TNRC6B: variants seen among roughly 807,000 people sequenced by gnomAD.
TNRC6B encodes trinucleotide repeat-containing gene 6B protein.
Under a neutral mutation model 203.6 loss-of-function variants are expected in TNRC6B, and 52 were observed. The observed-to-expected ratio is 0.26, with a 90% CI of 0.20 to 0.32. The LOEUF is 0.32. TNRC6B is among the 10% of genes least tolerant of loss of function. TNRC6B has a pLI of 1.00. For missense variants in TNRC6B, 1,923 were observed against 2,286.2 expected, an observed-to-expected ratio of 0.84 and a Z score of 3.24; for synonymous variants, 838 against 845.7, an observed-to-expected ratio of 0.99 and a Z score of 0.16.
At chr22:40,255,810 T>C (rs2070267649) in intron 3 of TNRC6B, among the ~76,000 whole-genome samples, 1 of 152,222 alleles carries the variant, frequency 6.6e-6, no homozygotes, top group African/African-American at 2.4e-5. Context: ...CCTTCCTGGA[T>C]ACTGTATGTC....
At position 40,312,643 on chromosome 22, in the gene TNRC6B, A is replaced by G. The variant is rs754874072; in HGVS notation, c.4574A>G (p.Asn1525Ser). Residue 1525 changes from asparagine to serine, a missense_variant, in exon 18 of 23, where the codon AAC becomes AGC. This residue lies in a region of TNRC6B where 159 missense variants were observed against 181.0 expected (regional missense o/e 0.88). Transcript: ENST00000454349. ...ACTGACCACCAACTGCTGCGGGATAACACCACAGGTACTTGAGCAAAGCAT... is the reference window on the plus strand; with the variant it reads ...ACTGACCACCAACTGCTGCGGGATAGCACCACAGGTACTTGAGCAAAGCAT... The part of the protein sequence containing the change: ...VDTDHQLLRD[N>S]TTGSNSSLNT... The G allele has an allele frequency of 3.6e-5, 58 of 1,610,832 alleles. No individual in the cohort carries two copies. Among genetic ancestry groups the G allele is most frequent in the Non-Finnish European group, 4.9e-5 (58 of 1,178,870 alleles).
rs1236526034 is a variant in TNRC6B, at chr22:40,265,517, G to A, written c.1287G>A (p.Arg429=). 3.7e-6 allele frequency: 6 copies of A among 1,613,776 alleles called. No homozygotes were observed. Among genetic ancestry groups the A allele is most frequent in the African/African-American group, 1.3e-5 (1 of 74,908 alleles). Residue 429 remains arginine (R), a synonymous_variant, in exon 5 of 23, where the codon AGG becomes AGA. Coordinates refer to ENST00000454349, the MANE Select transcript of TNRC6B (RefSeq NM_001162501.2). ...TGSVGSWGAA[R]GPSGTDTVSG... The stretch of plus-strand genomic sequence containing the variant: ...GTGTTGGATCTTGGGGTGCAGCTAG[G>A]GGGCCTTCTGGAACTGACACAGTCT...
At chr22:40,173,793 ATTTTTTTTTTTTT>A (rs1160322782), upstream of TNRC6B, among the ~76,000 whole-genome samples, 3 of 64,862 alleles carry the variant, frequency 4.6e-5, no homozygotes, top group Non-Finnish European at 7.7e-5. Context: ...ATATATATAT[ATTTTTTTTTTTTT>A]TTTTTTTTTT....
intron 1 of TNRC6B, among the ~76,000 whole-genome samples, chr22:40,210,115 C>A (rs895760870): frequency 1.3e-5 from 2 of 152,248 alleles, no homozygotes. Context: ...GACCTTGTAC[C>A]CTTGCTTGTG....
rs895464149 is a variant in TNRC6B, at chr22:40,331,329, A to G, written c.*8088A>G. 2.1e-5 allele frequency: 4 copies of G among 191,628 alleles called. No individual in the cohort carries two copies. Among genetic ancestry groups the G allele is most frequent in the Non-Finnish European group, 1.1e-5 (1 of 93,894 alleles). 11.9% of individuals were successfully genotyped at this position (191,628 alleles called of 1,614,324 possible). A position where few individuals can be genotyped will look rare whatever the true frequency, so the allele number is the denominator to read the frequency against. ...ATCTGAAATCATATTTTATTTCTTC[A>G]GAGCTATTATAGTTGAACACAGAAA... On this transcript the variant is annotated 3_prime_UTR_variant, in exon 23 of 23. Coordinates refer to ENST00000454349, the MANE Select transcript of TNRC6B (RefSeq NM_001162501.2).
chr22:40,170,625 A>G (rs1405014042), intron 4 of TNRC6B, among the ~76,000 whole-genome samples: 3 of 126,926 alleles, frequency 2.4e-5, no homozygotes, highest in Non-Finnish European at 4.8e-5. Flanking sequence ...ATACATACAT[A>G]TATGAACATA....
At chr22:40,117,981 G>A (rs184034535) in intron 2 of TNRC6B, among the ~76,000 whole-genome samples, 59 of 152,308 alleles carry the variant, frequency 3.9e-4, no homozygotes, top group Admixed American at 9.2e-4. Flanking sequence ...AAGGATGACA[G>A]CAGTGAAAAT....
At chr22:40,300,776 G>A (rs1351747867) in intron 13 of TNRC6B, 134 bp from the exon 14 acceptor site, 13 of 1,208,204 alleles carry the variant, frequency 1.1e-5, no homozygotes, top group Non-Finnish European at 1.5e-5. Context: ...CAAGAGACCG[G>A]GAATTTGGTG....
At chr22:40,153,234 T>C (rs2068776082) in intron 3 of TNRC6B, among the ~76,000 whole-genome samples, 1 of 152,242 alleles carries the variant, frequency 6.6e-6, no homozygotes, top group Non-Finnish European at 1.5e-5. Context: ...CACTGGAATA[T>C]ATACTCCACC....
At chr22:40,194,707 G>A (rs1017078864) in intron 1 of TNRC6B, among the ~76,000 whole-genome samples, 2 of 152,168 alleles carry the variant, frequency 1.3e-5, no homozygotes, top group African/African-American at 4.8e-5. Context: ...AATGCAATCA[G>A]CCTGTGAATT....
intron 3 of TNRC6B, among the ~76,000 whole-genome samples, chr22:40,149,760 GTGA>G (rs2146346063): frequency 6.6e-6 from 1 of 150,846 alleles, no homozygotes; most frequent in South Asian, 2.1e-4. Context: ...CTTGCTTGTG[GTGA>G]TGATTTCATG....
rs1221572878 is a variant in TNRC6B at position 40,324,259 on chromosome 22, T to TA, written c.*1019dup. The TA allele has an allele frequency of 6.6e-6, 1 of 152,288 alleles. No individual in the cohort carries two copies. Among genetic ancestry groups the TA allele is most frequent in the African/African-American group, 2.4e-5 (1 of 41,338 alleles). 9.4% of individuals were successfully genotyped at this position (152,288 alleles called of 1,614,324 possible). A position where few individuals can be genotyped will look rare whatever the true frequency, so the allele number is the denominator to read the frequency against. The stretch of plus-strand genomic sequence containing the variant: ...AAGTCCAAAAAACTAGAGCAGGAGG[T>TA]ACCTCTTGGAGCAACGGTGTGTTTA... On this transcript the variant is annotated 3_prime_UTR_variant, in exon 23 of 23. Transcript: ENST00000454349.
In TNRC6B at chr22:40,273,592, C is replaced by G; in HGVS notation, c.3133C>G (p.Gln1045Glu). The G allele has an allele frequency of 6.4e-7, 1 of 1,574,786 alleles. No homozygotes were observed. The highest frequency in any genetic ancestry group is 8.6e-7 in the Non-Finnish European group (1 of 1,160,152). The change falls in exon 7 of 23, where the codon CAA becomes GAA. Residue 1045 changes from glutamine to glutamate, a missense_variant. This residue lies in a region of TNRC6B where 599 missense variants were observed against 656.5 expected (regional missense o/e 0.91). Coordinates refer to ENST00000454349, the MANE Select transcript of TNRC6B (RefSeq NM_001162501.2). ...SASWGQGGKK[Q>E]MKCSLKGGNN... Reference sequence around the variant, plus strand: ...AAGCTGGGGACAAGGAGGAAAGAAACAAATGAAGGTAGCCTGCTTAGAAAT... The same window carrying G: ...AAGCTGGGGACAAGGAGGAAAGAAAGAAATGAAGGTAGCCTGCTTAGAAAT...
intron 12 of TNRC6B, among the ~76,000 whole-genome samples, chr22:40,294,774 T>C (rs1218100114): frequency 6.6e-6 from 1 of 152,146 alleles, no homozygotes; most frequent in African/African-American, 2.4e-5. Context: ...TCAGAGACAG[T>C]AAGTTAAGTC....
intron 1 of TNRC6B, among the ~76,000 whole-genome samples, chr22:40,073,819 AG>A (rs1364371515): frequency 6.6e-6 from 1 of 152,100 alleles, no homozygotes; most frequent in Non-Finnish European, 1.5e-5. Context: ...GCACTTTGGG[AG>A]GCCGAGGTGG....
Position 40,266,654 on chromosome 22 carries a change from G to A in TNRC6B, c.2424G>A (p.Glu808=). 6.2e-7 allele frequency: 1 copy of A among 1,613,188 alleles called. No individual in the cohort carries two copies. ...EDCKRSPAWN[E]TGRQPNSWNK... is the part of the protein sequence containing the mutation. ...GCAAAAGATCCCCAGCATGGAATGA[G>A]ACGGGCCGACAGCCCAATTCCTGGA... Residue 808 remains glutamate, a synonymous_variant, in exon 5 of 23, where the codon GAG becomes GAA. Transcript: ENST00000454349.
chr22:40,206,004 C>T (rs1203392791), intron 1 of TNRC6B, among the ~76,000 whole-genome samples: 1 of 152,176 alleles, frequency 6.6e-6, no homozygotes, highest in Admixed American at 6.5e-5. Flanking sequence ...CCAGAGCTGC[C>T]TCCTGGGCCT....
chr22:40,096,957 G>A (rs2068190560), intron 1 of TNRC6B, among the ~76,000 whole-genome samples: 2 of 152,230 alleles, frequency 1.3e-5, no homozygotes, highest in Admixed American at 6.5e-5. Context: ...AAGGTTATCA[G>A]AGTTGACCAT....
chr22:40,312,640 A>C lies in TNRC6B; in HGVS notation c.4571A>C (p.Asp1524Ala). ...IVDTDHQLLR[D>A]NTTGSNSSLN... Reference sequence around the variant, plus strand: ...GATACTGACCACCAACTGCTGCGGGATAACACCACAGGTACTTGAGCAAAG... The same window carrying C: ...GATACTGACCACCAACTGCTGCGGGCTAACACCACAGGTACTTGAGCAAAG... Residue 1524 changes from aspartate to alanine, a missense_variant, in exon 18 of 23, where the codon GAT becomes GCT. Asp to Ala is a moderately radical substitution (Grantham distance 126). This residue lies in a region of TNRC6B where 159 missense variants were observed against 181.0 expected (regional missense o/e 0.88). Transcript: ENST00000454349. 1 of 1,611,660 alleles carries C rather than the reference A, an allele frequency of 6.2e-7. No individual in the cohort carries two copies. Among genetic ancestry groups the C allele is most frequent in the Non-Finnish European group, 8.5e-7 (1 of 1,179,144 alleles).
Sources: gnomAD v4.1 joint callset for allele counts (sites outside exome capture counted in the v4.1 genomes callset) on GRCh38, gnomAD v4.1.1 for gene constraint, gnomAD v4.1.1 regional missense constraint, MANE v1.5 for transcripts, NCBI Gene and HGNC (gene_info 2026-07-23, HGNC 2026-07-21) for gene names.